Variants in BPTF observed in about 807,000 individuals in gnomAD.
The protein encoded by BPTF is bromodomain PHD finger transcription factor, also known as nucleosome-remodeling factor subunit BPTF.
In BPTF, 18 loss-of-function variants were observed where a neutral mutation model predicts 292.5. The observed-to-expected ratio is 0.06, with a 90% CI of 0.04 to 0.09. The LOEUF (loss-of-function observed/expected upper bound fraction) is 0.09, where lower values mean the gene tolerates loss of function less well. BPTF is among the 10% of genes least tolerant of loss of function. BPTF has a pLI of 1.00. For missense variants in BPTF, 2,726 were observed against 3,498.7 expected (o/e 0.78, Z 5.57); for synonymous variants, 1,225 against 1,251.9 (o/e 0.98, Z 0.45).
chr17:67,940,572 G>C lies in BPTF; in HGVS notation c.6393G>C (p.Gln2131His). ...CAGCAACGTCCACTTCAAATATACA[G>C]TCTTCAGCCTCACAACCCCCTCGCC... is the stretch of plus-strand genomic sequence containing the variant. ...LTSATSTSNI[Q>H]SSASQPPRPQ... Residue 2131 changes from glutamine to histidine, a missense_variant, in exon 19 of 28, where the codon CAG becomes CAC. Physicochemically the swap from Gln to His is conservative, Grantham distance 24 (BLOSUM62 0). Around this residue, in one of 22 missense-constraint regions of BPTF, gnomAD observed 570 missense variants for 633.5 expected, o/e 0.90. Coordinates refer to ENST00000306378, the MANE Select transcript of BPTF (RefSeq NM_182641.4). 1.2e-6 allele frequency: 2 copies of C among 1,614,118 alleles called. No individual in the cohort carries two copies. The highest frequency in any genetic ancestry group is 1.7e-6 in the Non-Finnish European group (2 of 1,180,018).
intron 23 of BPTF, among the ~76,000 whole-genome samples, chr17:67,958,914 C>T (rs1475162746): frequency 2.0e-5 from 3 of 152,100 alleles, no homozygotes; most frequent in African/African-American, 7.2e-5. Flanking sequence ...TTGCAGTGAG[C>T]TGAGATTGCA....
chr17:67,919,151 G>A (rs1274517579), intron 12 of BPTF, among the ~76,000 whole-genome samples: 4 of 148,414 alleles, frequency 2.7e-5, no homozygotes, highest in East Asian at 4.0e-4. Flanking sequence ...CAGCCAGTGC[G>A]ACAGAGTGAG....
At chr17:67,941,848 A>G (rs1282277728) in intron 19 of BPTF, among the ~76,000 whole-genome samples, 1 of 152,242 alleles carries the variant, frequency 6.6e-6, no homozygotes, top group Non-Finnish European at 1.5e-5. Context: ...AAATTCAACT[A>G]CTTTAAAAAT....
Position 67,964,387 on chromosome 17 carries a change from G to T in BPTF, c.8437G>T (p.Val2813Leu). Residue 2813 changes from valine (V) to leucine (L), a missense_variant, in exon 25 of 28, where the codon GTG (valine) becomes TTG (leucine). This residue lies in a region of BPTF where 48 missense variants were observed against 114.2 expected (regional missense o/e 0.42). Coordinates refer to ENST00000306378, the MANE Select transcript of BPTF (RefSeq NM_182641.4). ...GAAGGATTATGAGGGGTTGAAGAGG[G>T]TGCTCCGTTCCTTACAGGTGAGACC... ...TEKDYEGLKR[V>L]LRSLQAHKMA... The T allele has an allele frequency of 6.2e-7, 1 of 1,613,808 alleles. No homozygotes were observed. Among genetic ancestry groups the T allele is most frequent in the Non-Finnish European group, 8.5e-7 (1 of 1,179,758 alleles).
In BPTF at chr17:67,903,834, C is replaced by G. The variant is rs78216963; in HGVS notation, c.2589C>G (p.Val863=). 1.9e-6 allele frequency: 3 copies of G among 1,543,338 alleles called. No individual in the cohort carries two copies. The African/African-American group carries it at 4.3e-5, about 22-fold the overall frequency. Residue 863 remains valine (V), a synonymous_variant, in exon 8 of 28, where the codon GTC becomes GTG. Coordinates refer to ENST00000306378, the MANE Select transcript of BPTF (RefSeq NM_182641.4). ...TTGAAAGAGAAGAAAAGGAGAAAGTCAAAAAAAAAGAGAAGAAACAGGAAG... is the reference window on the plus strand; with the variant it reads ...TTGAAAGAGAAGAAAAGGAGAAAGTGAAAAAAAAAGAGAAGAAACAGGAAG... ...TSIEREEKEK[V]KKKEKKQEEE... is the part of the protein sequence containing the mutation.
intron 19 of BPTF, among the ~76,000 whole-genome samples, chr17:67,941,874 T>C (rs1384331866): frequency 1.3e-5 from 2 of 152,184 alleles, no homozygotes; most frequent in Non-Finnish European, 2.9e-5. Flanking sequence ...TAAGAACCTC[T>C]GTTCATCAAA....
chr17:67,945,536 A>T lies in BPTF; in HGVS notation c.6828A>T (p.Ser2276=). Residue 2276 remains serine, a synonymous_variant, in exon 21 of 28, where the codon TCA becomes TCT. Transcript: ENST00000306378. ...AEAQPQTAQP[S]AQPQPQTQPQ... ...CCCAGCCACAGACTGCTCAGCCTTCAGCTCAGCCCCAGCCCCAAACCCAGC... is the reference window on the plus strand; with the variant it reads ...CCCAGCCACAGACTGCTCAGCCTTCTGCTCAGCCCCAGCCCCAAACCCAGC... 1 of 1,613,506 alleles carries T rather than the reference A, an allele frequency of 6.2e-7. No individual in the cohort carries two copies. Among genetic ancestry groups the T allele is most frequent in the South Asian group, 1.1e-5 (1 of 91,004 alleles).
At chr17:67,963,293 A>G (rs1427151129) in intron 24 of BPTF, 1 of 1,493,898 alleles carries the variant, frequency 6.7e-7, no homozygotes, top group African/African-American at 1.4e-5. Context: ...GCAGCTCAAA[A>G]TGACAATTAC....
chr17:67,828,791 G>A (rs2056365945), intron 1 of BPTF, among the ~76,000 whole-genome samples: 1 of 152,144 alleles, frequency 6.6e-6, no homozygotes, highest in Non-Finnish European at 1.5e-5. Flanking sequence ...GCCTCCCAAA[G>A]TGCTGGGATT....
chr17:67,918,650 A>G (rs2063218255), intron 11 of BPTF, 64 bp from the exon 12 acceptor site: 4 of 1,461,016 alleles, frequency 2.7e-6, no homozygotes, highest in Non-Finnish European at 3.8e-6. Context: ...TAGAGTGAAT[A>G]TGAATGTGTA....
In BPTF at chr17:67,893,484, G is replaced by A. The variant is rs766620288; in HGVS notation, c.2170G>A (p.Val724Ile). Residue 724 changes from valine (V) to isoleucine (I), a missense_variant, in exon 6 of 28, where the codon GTC (valine) becomes ATC (isoleucine). Around this residue, in one of 22 missense-constraint regions of BPTF, gnomAD observed 63 missense variants for 84.1 expected, o/e 0.75. Coordinates refer to ENST00000306378, the MANE Select transcript of BPTF (RefSeq NM_182641.4). ...ATTGGGTCAAGAAGGGAAGTATCGC[G>A]TCTACCACAATCAATACTCCACCAA... is the stretch of plus-strand genomic sequence containing the variant. ...FKLGQEGKYR[V>I]YHNQYSTNSF... The A allele has an allele frequency of 8.7e-6, 14 of 1,613,890 alleles. No individual in the cohort carries two copies. The highest frequency in any genetic ancestry group is 3.3e-4 in the Middle Eastern group (2 of 6,084).
chr17:67,917,131 CTTTT>C (rs943348736), intron 11 of BPTF, among the ~76,000 whole-genome samples: 16 of 105,798 alleles, frequency 1.5e-4, no homozygotes, highest in Non-Finnish European at 2.7e-4. Flanking sequence ...TGGTATTGTC[CTTTT>C]TTTTTTTTTT....
At chr17:67,845,610 C>T (rs1183403858) in intron 1 of BPTF, among the ~76,000 whole-genome samples, 1 of 151,980 alleles carries the variant, frequency 6.6e-6, no homozygotes, top group East Asian at 1.9e-4. Flanking sequence ...CCCATCTCGA[C>T]AGAAAATTTA....
Position 67,963,973 on chromosome 17 carries a change from T to C in BPTF, c.8262-239T>C, listed in dbSNP as rs532729217. Among the ~76,000 whole-genome samples, 5 of 152,366 alleles carry C rather than the reference T, an allele frequency of 3.3e-5. No homozygotes were observed. The South Asian group carries it at 8.3e-4, about 25-fold the overall frequency. On this transcript the variant is annotated intron_variant, in intron 24 of 27. Transcript: ENST00000306378. ...TTTAAAATCAATTGAATGTTTCATA[T>C]TTATCTTTAAATTGGTTCTCCAGTA...
intron 17 of BPTF, among the ~76,000 whole-genome samples, chr17:67,930,890 G>T (rs1192856012): frequency 6.6e-6 from 1 of 152,080 alleles, no homozygotes; most frequent in African/African-American, 2.4e-5. Context: ...ACAAGGCAGA[G>T]GCCACAGTGA....
intron 11 of BPTF, among the ~76,000 whole-genome samples, chr17:67,917,537 G>A (rs2063123372): frequency 6.6e-6 from 1 of 151,906 alleles, no homozygotes; most frequent in Non-Finnish European, 1.5e-5. Context: ...TTCATGTTTT[G>A]AATAACCACC....
At chr17:67,972,056 A>G (rs1448782285) in intron 26 of BPTF, among the ~76,000 whole-genome samples, 2 of 152,124 alleles carry the variant, frequency 1.3e-5, no homozygotes, top group Non-Finnish European at 2.9e-5. Context: ...AATATTTACC[A>G]CTACTCCTAT....
chr17:67,941,766 A>G (rs2065384553), intron 19 of BPTF, among the ~76,000 whole-genome samples: 1 of 152,268 alleles, frequency 6.6e-6, no homozygotes, highest in Non-Finnish European at 1.5e-5. Flanking sequence ...TAATACCTTT[A>G]GAAGATAGAA....
intron 18 of BPTF, among the ~76,000 whole-genome samples, chr17:67,934,243 C>T (rs1304933798): frequency 2.0e-5 from 3 of 151,952 alleles, no homozygotes; most frequent in African/African-American, 4.8e-5. Flanking sequence ...CATGACCGGG[C>T]GCTGTGGCTC....
Sources: gnomAD v4.1 joint callset for allele counts (sites outside exome capture counted in the v4.1 genomes callset) on GRCh38, gnomAD v4.1.1 for gene constraint, gnomAD v4.1.1 regional missense constraint, MANE v1.5 for transcripts, NCBI Gene and HGNC (gene_info 2026-07-23, HGNC 2026-07-21) for gene names.